Variants in SIPA1L1 observed in about 807,000 individuals in gnomAD.
SIPA1L1 encodes signal-induced proliferation-associated 1-like protein 1.
A neutral mutation model predicts 162.7 loss-of-function variants in SIPA1L1; 26 were observed. That is an observed-to-expected ratio of 0.16 (90% CI 0.12 to 0.22). SIPA1L1 has a LOEUF of 0.22. Ranked by LOEUF, SIPA1L1 falls within the 10% of genes least tolerant of loss-of-function variation. The pLI, the probability that SIPA1L1 is intolerant of heterozygous loss-of-function variation, is 1.00. For synonymous variants in SIPA1L1, 829 were observed against 837.4 expected, an observed-to-expected ratio of 0.99 and a Z score of 0.17; for missense variants, 1,874 against 2,241.0, an observed-to-expected ratio of 0.84 and a Z score of 3.31.
At chr14:71,437,432 A>T (rs1369055085) in intron 2 of SIPA1L1, among the ~76,000 whole-genome samples, 1 of 152,114 alleles carries the variant, frequency 6.6e-6, no homozygotes, top group Admixed American at 6.5e-5. Context: ...CAGTAGCATG[A>T]TCTCGACTTG....
intron 7 of SIPA1L1, among the ~76,000 whole-genome samples, chr14:71,636,060 A>G (rs911464574): frequency 2.0e-5 from 3 of 152,178 alleles, no homozygotes; most frequent in Non-Finnish European, 4.4e-5. Context: ...AATGTGAAGG[A>G]AAAAAACTGA....
chr14:71,519,975 C>T (rs2052144636), intron 3 of SIPA1L1, among the ~76,000 whole-genome samples: 1 of 151,650 alleles, frequency 6.6e-6, no homozygotes, highest in African/African-American at 2.4e-5. Flanking sequence ...GTTGTGGTGG[C>T]AGCACACACC....
At chr14:71,490,982 A>G (rs1215956127) in intron 2 of SIPA1L1, among the ~76,000 whole-genome samples, 3 of 152,216 alleles carry the variant, frequency 2.0e-5, no homozygotes, top group Non-Finnish European at 4.4e-5. Context: ...AGTAGCAATG[A>G]TATTTATCAT....
intron 4 of SIPA1L1, among the ~76,000 whole-genome samples, chr14:71,569,218 A>G (rs1349776969): frequency 6.6e-6 from 1 of 152,200 alleles, no homozygotes; most frequent in Non-Finnish European, 1.5e-5. Flanking sequence ...TTTTGTCACC[A>G]GAGAGAGGGG....
chr14:71,661,501 A>C (rs774482230), intron 10 of SIPA1L1, 34 bp downstream of exon 10: 2 of 1,597,520 alleles, frequency 1.3e-6, no homozygotes. Flanking sequence ...GGCTCTGTGG[A>C]TGTTGGCTGG....
rs2031060867 is a variant in SIPA1L1 at position 71,567,892 on chromosome 14, A to G, written c.-302-19679A>G. On this transcript the variant is annotated intron_variant, in intron 4 of 23. Transcript: ENST00000381232. ...AGAACTGAGGGTTCCTCCCCTTTTT[A>G]GACCATATAGGACAACTTCCAGATG... Among the ~76,000 whole-genome samples the G allele has an allele frequency of 2.0e-5, 3 of 152,250 alleles. 1 individual carries two copies. The South Asian group carries it at 6.2e-4, about 32-fold the overall frequency.
In SIPA1L1 at chr14:71,339,731, A is replaced by T. The variant is rs1464471750; in HGVS notation, c.-465+18550A>T. Among the ~76,000 whole-genome samples the T allele has an allele frequency of 4.6e-5, 7 of 152,314 alleles. 1 individual carries two copies. The highest frequency in any genetic ancestry group is 2.0e-4 in the Admixed American group (3 of 15,294). On this transcript the variant is annotated intron_variant, in intron 2 of 23. Transcript: ENST00000381232. ...GAGCCACTCTATCTTCATTTGTTTCATGGCAGGTTCTGGCTTTAGATTTTG... is the reference window on the plus strand; with the variant it reads ...GAGCCACTCTATCTTCATTTGTTTCTTGGCAGGTTCTGGCTTTAGATTTTG...
intron 12 of SIPA1L1, among the ~76,000 whole-genome samples, chr14:71,673,889 A>C (rs2044793408): frequency 6.6e-6 from 1 of 152,200 alleles, no homozygotes; most frequent in Admixed American, 6.5e-5. Context: ...TGGTTTCCCC[A>C]AGCATATCAT....
At chr14:71,465,794 C>T (rs1567060063) in intron 2 of SIPA1L1, among the ~76,000 whole-genome samples, 1 of 152,156 alleles carries the variant, frequency 6.6e-6, no homozygotes, top group African/African-American at 2.4e-5. Context: ...AATAGGCTGT[C>T]TGCAAGCTTG....
chr14:71,527,296 C>T (rs1017869230), intron 3 of SIPA1L1, among the ~76,000 whole-genome samples: 5 of 151,966 alleles, frequency 3.3e-5, no homozygotes, highest in Admixed American at 2.6e-4. Flanking sequence ...TATAGGCGCA[C>T]ACCACCATGC....
At chr14:71,677,716 T>C (rs1315929203) in intron 12 of SIPA1L1, among the ~76,000 whole-genome samples, 1 of 152,220 alleles carries the variant, frequency 6.6e-6, no homozygotes, top group Non-Finnish European at 1.5e-5. Context: ...CCCAGCATCA[T>C]TTATTAAATA....
chr14:71,382,666 G>A (rs1019820198), intron 2 of SIPA1L1, among the ~76,000 whole-genome samples: 5 of 151,642 alleles, frequency 3.3e-5, no homozygotes, highest in Non-Finnish European at 5.9e-5. Flanking sequence ...GTTTTTTTTT[G>A]TAATTAGGAT....
chr14:71,584,208 AG>A (rs2034303985), intron 4 of SIPA1L1, among the ~76,000 whole-genome samples: 2 of 152,232 alleles, frequency 1.3e-5, no homozygotes, highest in South Asian at 4.1e-4. Flanking sequence ...GTTATCACAG[AG>A]GTCCAGAAAA....
At position 71,346,054 on chromosome 14, in the gene SIPA1L1, C is replaced by T. The variant is rs942312735; in HGVS notation, c.-465+24873C>T. The stretch of plus-strand genomic sequence containing the variant: ...TCCCGAGTAGCTGGGACTACATGCG[C>T]TTGCCACCACGCCCAGCTAATTTTT... On this transcript the variant is annotated intron_variant, in intron 2 of 23. Coordinates refer to ENST00000381232, the MANE Select transcript of SIPA1L1 (RefSeq NM_001386936.1). 3.3e-5 allele frequency among the ~76,000 whole-genome samples: 5 copies of T among 152,164 alleles called. No homozygotes were observed. In the East Asian group the frequency reaches 9.7e-4, roughly 29 times the overall value.
At chr14:71,619,664 T>C (rs1327433504) in intron 6 of SIPA1L1, among the ~76,000 whole-genome samples, 2 of 152,288 alleles carry the variant, frequency 1.3e-5, no homozygotes, top group East Asian at 1.9e-4. Context: ...TAATTCACTT[T>C]AGGATTTTTG....
At chr14:71,433,284 A>T (rs2044134661) in intron 2 of SIPA1L1, among the ~76,000 whole-genome samples, 1 of 152,162 alleles carries the variant, frequency 6.6e-6, no homozygotes, top group Admixed American at 6.5e-5. Context: ...GCAAGATTAG[A>T]TTATCAATGG....
At chr14:71,732,377 C>G (rs777007921) in intron 20 of SIPA1L1, among the ~76,000 whole-genome samples, 3 of 152,080 alleles carry the variant, frequency 2.0e-5, no homozygotes, top group Non-Finnish European at 4.4e-5. Context: ...TGCTCCTTCT[C>G]GTGGAGTGGT....
intron 8 of SIPA1L1, among the ~76,000 whole-genome samples, chr14:71,653,539 T>C (rs961501294): frequency 1.3e-5 from 2 of 152,170 alleles, no homozygotes. Flanking sequence ...AGTACCTTGC[T>C]CTGTGTCAAC....
chr14:71,591,185 G>T (rs542774971), intron 5 of SIPA1L1, among the ~76,000 whole-genome samples: 26 of 151,990 alleles, frequency 1.7e-4, no homozygotes, highest in African/African-American at 6.3e-4. Flanking sequence ...GAACATTTTG[G>T]GTACTTACTG....
Sources: gnomAD v4.1 joint callset for allele counts (sites outside exome capture counted in the v4.1 genomes callset) on GRCh38, gnomAD v4.1.1 for gene constraint, MANE v1.5 for transcripts, NCBI Gene and HGNC (gene_info 2026-07-23, HGNC 2026-07-21) for gene names.